The following LPCAT3 variants were observed in gnomAD, a reference collection of about 807,000 sequenced individuals.
The protein encoded by LPCAT3 is lysophosphatidylcholine acyltransferase 3, also known as lysophospholipid acyltransferase 5.
In LPCAT3, 21 loss-of-function variants were observed where a neutral mutation model predicts 63.4. The ratio of observed to expected loss-of-function variants is 0.33; its 90% CI spans 0.23 to 0.48. The LOEUF (loss-of-function observed/expected upper bound fraction) is 0.48, where lower values mean the gene tolerates loss of function less well. Ranked by LOEUF, LPCAT3 falls within the 20% of genes least tolerant of loss-of-function variation. The pLI, the probability that LPCAT3 is intolerant of heterozygous loss-of-function variation, is 0.99. For synonymous variants in LPCAT3, 242 were observed against 227.5 expected, an observed-to-expected ratio of 1.06 and a Z score of -0.58; for missense variants, 451 against 590.6, an observed-to-expected ratio of 0.76 and a Z score of 2.45.
rs1555153400 is a variant in LPCAT3 at position 6,977,394 on chromosome 12, G to A, written c.1320C>T (p.Cys440=). 1 of 1,614,076 alleles carries A rather than the reference G, an allele frequency of 6.2e-7. No homozygotes were observed. Among genetic ancestry groups the A allele is most frequent in the African/African-American group, 1.3e-5 (1 of 74,914 alleles). Residue 440 remains cysteine, a synonymous_variant, in exon 11 of 13, where the codon TGC becomes TGT. Transcript: ENST00000261407. The surrounding 1 kb of genome is among the most constrained non-coding windows in gnomAD (Gnocchi z 4.5). ...TAAGCCATTTGTCCCACGTGAAGAG[G>A]CAGAAGGCAGTCATGGAGTAACCCA... The part of the protein sequence containing the change: ...LFMGYSMTAF[C]LFTWDKWLKV...
intron 1 of LPCAT3, among the ~76,000 whole-genome samples, chr12:7,002,275 A>G (rs1481586848): frequency 1.3e-5 from 2 of 152,122 alleles, no homozygotes; most frequent in African/African-American, 4.8e-5. Flanking sequence ...GGGATTGTAC[A>G]CTTTCTGGTT....
At chr12:6,991,243 CAGAG>C (rs1565601556) in intron 1 of LPCAT3, among the ~76,000 whole-genome samples, 1 of 152,142 alleles carries the variant, frequency 6.6e-6, no homozygotes, top group Admixed American at 6.5e-5. Flanking sequence ...TTTACACAGA[CAGAG>C]AAAGTATCTG....
chr12:7,011,522 G>A (rs932286212), intron 1 of LPCAT3, among the ~76,000 whole-genome samples: 6 of 151,872 alleles, frequency 4.0e-5, no homozygotes, highest in African/African-American at 1.2e-4. Flanking sequence ...GGTGGCTCAC[G>A]CCTGTAGTTC....
intron 1 of LPCAT3, among the ~76,000 whole-genome samples, chr12:7,006,193 C>G (rs1163387248): frequency 1.3e-5 from 2 of 152,172 alleles, no homozygotes; most frequent in Non-Finnish European, 2.9e-5. Flanking sequence ...TACAGTAAGA[C>G]TGAACCTAAA....
At chr12:6,982,250 G>C (rs1413876364) in intron 3 of LPCAT3, among the ~76,000 whole-genome samples, 1 of 152,108 alleles carries the variant, frequency 6.6e-6, no homozygotes, top group Non-Finnish European at 1.5e-5. Flanking sequence ...TGTTGCCCGG[G>C]TTAGTCTCAA....
chr12:6,985,320 C>T (rs1012558088), intron 1 of LPCAT3, among the ~76,000 whole-genome samples: 45 of 149,624 alleles, frequency 3.0e-4, no homozygotes, highest in Non-Finnish European at 5.0e-4. Flanking sequence ...GGCATGAACA[C>T]GGGAGGCGGA....
At chr12:6,994,051 G>C (rs182828585) in intron 1 of LPCAT3, among the ~76,000 whole-genome samples, 4 of 152,176 alleles carry the variant, frequency 2.6e-5, no homozygotes, top group African/African-American at 9.7e-5. Flanking sequence ...TGCCTAGGCC[G>C]GTCTTGAACT....
At chr12:6,983,177 C>A in intron 2 of LPCAT3, 1 of 459,176 alleles carries the variant, frequency 2.2e-6, no homozygotes, top group South Asian at 2.1e-5. Flanking sequence ...ATCCACAGCA[C>A]AGAGAAACTG....
At chr12:6,982,016 TTAA>T in intron 3 of LPCAT3, 112 bp from the exon 4 acceptor site, 2 of 664,008 alleles carry the variant, frequency 3.0e-6, no homozygotes, top group Non-Finnish European at 5.4e-6. Context: ...ATTAAAAGCC[TTAA>T]TAAATTCCTA....
At chr12:7,003,803 T>C (rs1334765105) in intron 1 of LPCAT3, among the ~76,000 whole-genome samples, 1 of 151,682 alleles carries the variant, frequency 6.6e-6, no homozygotes, top group Non-Finnish European at 1.5e-5. Context: ...GCGCCTGTAG[T>C]CCCAGCTACT....
At chr12:6,995,889 AAT>A (rs1555155967) in intron 1 of LPCAT3, among the ~76,000 whole-genome samples, 2 of 152,120 alleles carry the variant, frequency 1.3e-5, no homozygotes, top group African/African-American at 4.8e-5. Context: ...TATTATTATT[AAT>A]ATATCATTAT....
chr12:6,988,657 C>T (rs1946553302), intron 1 of LPCAT3, among the ~76,000 whole-genome samples: 1 of 152,198 alleles, frequency 6.6e-6, no homozygotes, highest in Admixed American at 6.5e-5. Context: ...TTCCGTGGGT[C>T]TGAGTGGGAA....
intron 1 of LPCAT3, among the ~76,000 whole-genome samples, chr12:6,992,770 A>G (rs781890461): frequency 3.3e-5 from 5 of 152,068 alleles, no homozygotes; most frequent in Non-Finnish European, 7.4e-5. Context: ...GGTTTTGAAT[A>G]CAGTTATCTC....
At chr12:7,011,211 C>A (rs1946761732) in intron 1 of LPCAT3, among the ~76,000 whole-genome samples, 1 of 152,196 alleles carries the variant, frequency 6.6e-6, no homozygotes, top group Middle Eastern at 3.4e-3. Context: ...ATTTTGTTCA[C>A]TTTTTGTAGA....
At chr12:6,991,292 A>G (rs1214014539) in intron 1 of LPCAT3, among the ~76,000 whole-genome samples, 3 of 152,242 alleles carry the variant, frequency 2.0e-5, no homozygotes, top group Admixed American at 6.5e-5. Flanking sequence ...CTTTAGCGCT[A>G]CATCAAAACT....
Position 6,977,993 on chromosome 12 carries a change from G to A in LPCAT3, c.1041-248C>T. On this transcript the variant is annotated intron_variant, in intron 9 of 12. Transcript: ENST00000261407. This position sits in a 1 kb window ranked among gnomAD's most constrained non-coding sequence, Gnocchi z 4.5. Reference sequence around the variant, plus strand: ...CAGCAGTGACTGAGGCTGATGCTGAGATCAGTGGTGAACCAGACACTCTAC... The same window carrying A: ...CAGCAGTGACTGAGGCTGATGCTGAAATCAGTGGTGAACCAGACACTCTAC... The A allele has an allele frequency of 1.8e-6, 1 of 571,216 alleles. No individual in the cohort carries two copies. Among genetic ancestry groups the A allele is most frequent in the Non-Finnish European group, 3.1e-6 (1 of 320,292 alleles). The allele number at this position is 571,216 out of a possible 1,614,324, so 35.4% of individuals were successfully genotyped here.
chr12:6,983,008 G>A (rs782464331), intron 2 of LPCAT3: 11 of 603,334 alleles, frequency 1.8e-5, no homozygotes, highest in South Asian at 3.2e-5. Context: ...TTAGAGATGC[G>A]ACTTGCTCTG....
In LPCAT3 at chr12:7,003,408, T is replaced by A. The variant is rs191285922; in HGVS notation, c.151+14866A>T. Among the ~76,000 whole-genome samples the A allele has an allele frequency of 1.3e-4, 18 of 139,248 alleles. No homozygotes were observed. The East Asian group carries it at 3.4e-3, about 26-fold the overall frequency. 91.4% of individuals were successfully genotyped at this position (139,248 alleles called of 152,430 possible). On this transcript the variant is annotated intron_variant, in intron 1 of 12. Coordinates refer to ENST00000261407, the MANE Select transcript of LPCAT3 (RefSeq NM_005768.6). Reference sequence around the variant, plus strand: ...GTTTGATTCAATTAAGCAAAAATATTGTTTCATGTCTCACTGAACTGAATA... The same window carrying A: ...GTTTGATTCAATTAAGCAAAAATATAGTTTCATGTCTCACTGAACTGAATA...
intron 1 of LPCAT3, among the ~76,000 whole-genome samples, chr12:7,005,709 G>A (rs1207489859): frequency 1.3e-5 from 2 of 152,124 alleles, no homozygotes; most frequent in Non-Finnish European, 2.9e-5. Context: ...CTTTTCACGA[G>A]CTTATTGGCC....
Sources: gnomAD v4.1 joint callset for allele counts (sites outside exome capture counted in the v4.1 genomes callset) on GRCh38, gnomAD v4.1.1 for gene constraint, Gnocchi (gnomAD v3.1) non-coding constraint, MANE v1.5 for transcripts, NCBI Gene and HGNC (gene_info 2026-07-23, HGNC 2026-07-21) for gene names.